SEMA3A: variants seen among roughly 807,000 people sequenced by gnomAD.
SEMA3A encodes semaphorin 3A, also known as semaphorin-3A.
A neutral mutation model predicts 97.9 loss-of-function variants in SEMA3A; 29 were observed. That is an observed-to-expected ratio of 0.30 (90% CI 0.22 to 0.40). The LOEUF is 0.40. Ranked by LOEUF, SEMA3A falls within the 10% of genes least tolerant of loss-of-function variation. The pLI is 1.00. For synonymous variants in SEMA3A, 321 were observed against 323.7 expected (o/e 0.99, Z 0.09); for missense variants, 763 against 951.3 (o/e 0.80, Z 2.60).
chr7:84,059,280 C>A (rs1295725792), intron 5 of SEMA3A, among the ~76,000 whole-genome samples: 2 of 152,070 alleles, frequency 1.3e-5, no homozygotes, highest in East Asian at 3.9e-4. Context: ...TGCATAAATG[C>A]ATGAAATGGA....
intron 4 of SEMA3A, among the ~76,000 whole-genome samples, chr7:84,105,405 G>A (rs1405658146): frequency 3.3e-5 from 5 of 152,120 alleles, no homozygotes; most frequent in African/African-American, 7.2e-5. Flanking sequence ...TAGTGGAAGG[G>A]AAGAACCAGA....
chr7:84,110,557 C>T lies in SEMA3A; in HGVS notation c.366G>A (p.Lys122=), dbSNP rs754669205. The change falls in exon 4 of 17, where the codon AAG becomes AAA. Residue 122 remains lysine (K), a synonymous_variant. Transcript: ENST00000265362. ...CGTACAAGTGAGTCTGATTATATGCCTTAAGTACCTTGATGAAATTAGCAC... is the reference window on the plus strand; with the variant it reads ...CGTACAAGTGAGTCTGATTATATGCTTTAAGTACCTTGATGAAATTAGCAC... ...KECANFIKVL[K]AYNQTHLYAC... The T allele has an allele frequency of 5.6e-6, 9 of 1,613,868 alleles. No homozygotes were observed. The highest frequency in any genetic ancestry group is 1.3e-5 in the African/African-American group (1 of 75,010).
At chr7:84,020,863 C>T (rs1791302584) in intron 6 of SEMA3A, among the ~76,000 whole-genome samples, 1 of 152,102 alleles carries the variant, frequency 6.6e-6, no homozygotes, top group Non-Finnish European at 1.5e-5. Context: ...CTAAGCCCCC[C>T]ATACAGTGTA....
At position 84,095,578 on chromosome 7, in the gene SEMA3A, C is replaced by T. The variant is rs576650555; in HGVS notation, c.453+14892G>A. Among the ~76,000 whole-genome samples the T allele has an allele frequency of 5.0e-3, 749 of 149,416 alleles. 5 individuals carry two copies. The highest frequency in any genetic ancestry group is 7.4e-3 in the Non-Finnish European group (496 of 67,380). Reference sequence around the variant, plus strand: ...TTTTTTCATGCCCTATGTCTTATGTCAACTAGTCTCCATTCTGTTCACTAA... The same window carrying T: ...TTTTTTCATGCCCTATGTCTTATGTTAACTAGTCTCCATTCTGTTCACTAA... On this transcript the variant is annotated intron_variant, in intron 4 of 16. Transcript: ENST00000265362.
At chr7:84,234,679 A>G (rs574383282) in intron 3 of SEMA3A, among the ~76,000 whole-genome samples, 2 of 152,044 alleles carry the variant, frequency 1.3e-5, no homozygotes, top group South Asian at 2.1e-4. Context: ...TTCTATTCTT[A>G]TAAGTTTTAT....
At chr7:84,228,213 C>A (rs537833553) in intron 3 of SEMA3A, among the ~76,000 whole-genome samples, 2 of 151,736 alleles carry the variant, frequency 1.3e-5, no homozygotes, top group African/African-American at 2.4e-5. Context: ...AAATTGGGAA[C>A]TATGAAGTAA....
At chr7:84,424,919 A>T (rs866453160) in intron 1 of SEMA3A, among the ~76,000 whole-genome samples, 33 of 78,250 alleles carry the variant, frequency 4.2e-4, no homozygotes, top group African/African-American at 1.8e-3. Context: ...AAATATATAT[A>T]TATATTTATA....
intron 3 of SEMA3A, among the ~76,000 whole-genome samples, chr7:84,127,640 C>T (rs1584005672): frequency 6.6e-6 from 1 of 152,106 alleles, no homozygotes; most frequent in East Asian, 1.9e-4. Flanking sequence ...ATGGGGGATA[C>T]CTGTGCTTTG....
At chr7:84,427,170 G>A (rs1804849748) in intron 1 of SEMA3A, among the ~76,000 whole-genome samples, 1 of 152,036 alleles carries the variant, frequency 6.6e-6, no homozygotes, top group South Asian at 2.1e-4. Flanking sequence ...AGAACCTGGA[G>A]AAATTCTCTG....
intron 1 of SEMA3A, among the ~76,000 whole-genome samples, chr7:84,177,513 A>T (rs752798227): frequency 2.0e-5 from 3 of 152,118 alleles, no homozygotes; most frequent in Non-Finnish European, 2.9e-5. Flanking sequence ...TTATGGGAAC[A>T]TGTTATTCAG....
chr7:84,064,037 C>G (rs13312142), intron 4 of SEMA3A, among the ~76,000 whole-genome samples: 1 of 151,630 alleles, frequency 6.6e-6, no homozygotes, highest in Non-Finnish European at 1.5e-5. Flanking sequence ...GGGTTACCCA[C>G]AAAGGGAAGC....
intron 12 of SEMA3A, among the ~76,000 whole-genome samples, chr7:83,987,554 C>T (rs1436716514): frequency 6.6e-6 from 1 of 152,104 alleles, no homozygotes; most frequent in East Asian, 1.9e-4. Flanking sequence ...TTCCAATTGC[C>T]TCTCCCCCTC....
chr7:84,171,772 G>A (rs1019867230), intron 1 of SEMA3A, among the ~76,000 whole-genome samples: 5 of 151,742 alleles, frequency 3.3e-5, no homozygotes, highest in Non-Finnish European at 4.4e-5. Flanking sequence ...TATTAAGGGA[G>A]GACCAAATTA....
At chr7:84,202,781 A>AT (rs1798387326) in intron 3 of SEMA3A, among the ~76,000 whole-genome samples, 1 of 152,112 alleles carries the variant, frequency 6.6e-6, no homozygotes, top group African/African-American at 2.4e-5. Context: ...ATCACAGGTT[A>AT]TTTTTTTAGG....
chr7:84,137,891 A>G (rs1796192067), intron 1 of SEMA3A, among the ~76,000 whole-genome samples: 1 of 152,180 alleles, frequency 6.6e-6, no homozygotes, highest in Non-Finnish European at 1.5e-5. Flanking sequence ...TTGGAGTTAT[A>G]CAGTTATAAG....
intron 3 of SEMA3A, among the ~76,000 whole-genome samples, chr7:84,123,758 ATTGT>A (rs1214834603): frequency 3.8e-5 from 2 of 52,584 alleles, no homozygotes; most frequent in Non-Finnish European, 7.7e-5. Context: ...TTTATTTCTT[ATTGT>A]TTAATATATA....
intron 12 of SEMA3A, among the ~76,000 whole-genome samples, chr7:84,000,220 A>ATAAAG (rs1435358693): frequency 2.6e-5 from 4 of 152,068 alleles, no homozygotes; most frequent in Non-Finnish European, 5.9e-5. Context: ...AACTTCTAAG[A>ATAAAG]TAAAGTACCA....
chr7:84,291,104 A>C (rs1013677920), intron 3 of SEMA3A, among the ~76,000 whole-genome samples: 3 of 152,056 alleles, frequency 2.0e-5, no homozygotes, highest in African/African-American at 7.2e-5. Context: ...ATTCTCAATA[A>C]ACTCCTTTCT....
At chr7:84,004,057 C>CA (rs1159900970) in intron 11 of SEMA3A, among the ~76,000 whole-genome samples, 5 of 141,480 alleles carry the variant, frequency 3.5e-5, no homozygotes, top group Non-Finnish European at 6.2e-5. Context: ...GTAGTTAATG[C>CA]AATTTTTTTT....
Sources: gnomAD v4.1 joint callset for allele counts (sites outside exome capture counted in the v4.1 genomes callset) on GRCh38, gnomAD v4.1.1 for gene constraint, MANE v1.5 for transcripts, NCBI Gene and HGNC (gene_info 2026-07-23, HGNC 2026-07-21) for gene names.